The following DSTYK variants were observed in gnomAD, a reference collection of about 807,000 sequenced individuals.
DSTYK encodes dual serine/threonine and tyrosine protein kinase, also known as RIP-homologous kinase.
Under a neutral mutation model 98.7 loss-of-function variants are expected in DSTYK, and 34 were observed. That is an observed-to-expected ratio of 0.34 (90% CI 0.26 to 0.46). DSTYK has a LOEUF of 0.46. Among genes scored for constraint, DSTYK ranks in the 20% least tolerant of loss-of-function variants. The pLI, the probability that DSTYK is intolerant of heterozygous loss-of-function variation, is 1.00. For synonymous variants in DSTYK, 462 were observed against 457.3 expected (o/e 1.01, Z -0.13); for missense variants, 962 against 1,181.7 (o/e 0.81, Z 2.73).
chr1:205,189,037 C>T (rs968286783), intron 1 of DSTYK, among the ~76,000 whole-genome samples: 7 of 151,962 alleles, frequency 4.6e-5, no homozygotes, highest in East Asian at 3.9e-4. Context: ...ACCCACATAT[C>T]GAAATACCAC....
rs557979230 is a variant in DSTYK at position 205,209,182 on chromosome 1, ATCTC to A, written c.265+2085_265+2088del. Among the ~76,000 whole-genome samples the A allele has an allele frequency of 3.7e-3, 569 of 152,326 alleles. 7 individuals are homozygous for A. The highest frequency in any genetic ancestry group is 0.013 in the African/African-American group (544 of 41,574). ...CAACCAAAGTGCCTTGAAAACCTCC[ATCTC>A]TCTGAGGTTAATCAATTCTCTTTGT... On this transcript the variant is annotated intron_variant, in intron 1 of 12. Coordinates refer to ENST00000367162, the MANE Select transcript of DSTYK (RefSeq NM_015375.3).
chr1:205,209,080 T>C (rs1160027985), intron 1 of DSTYK, among the ~76,000 whole-genome samples: 1 of 152,232 alleles, frequency 6.6e-6, no homozygotes, highest in Non-Finnish European at 1.5e-5. Flanking sequence ...TGCAGTCAAC[T>C]GGAAAAGCCA....
intron 1 of DSTYK, among the ~76,000 whole-genome samples, chr1:205,189,691 T>A (rs1172467910): frequency 1.3e-5 from 2 of 152,114 alleles, no homozygotes; most frequent in African/African-American, 4.8e-5. Context: ...ACCAAAAGGG[T>A]TAAAGAGGTC....
At chr1:205,191,067 T>TC (rs1287078954) in intron 1 of DSTYK, among the ~76,000 whole-genome samples, 1 of 151,850 alleles carries the variant, frequency 6.6e-6, no homozygotes, top group Non-Finnish European at 1.5e-5. Flanking sequence ...AATGAACACT[T>TC]CCCCCCTCCA....
chr1:205,163,734 A>T lies in DSTYK; in HGVS notation c.1546T>A (p.Tyr516Asn). The T allele has an allele frequency of 6.2e-7, 1 of 1,613,568 alleles. No homozygotes were observed. Among genetic ancestry groups the T allele is most frequent in the Non-Finnish European group, 8.5e-7 (1 of 1,179,628 alleles). ...QDVSVHITSN[Y>N]LKQILNAAYH... ...CATTCTTTGTCTACCTGTTTGAGAT[A>T]ATTACTGGTGATGTGAACTGAGACA... The change falls in exon 4 of 13, where the codon TAT becomes AAT. Residue 516 changes from tyrosine (Y) to asparagine (N), a missense_variant. Tyr to Asn is a moderately radical substitution (Grantham distance 143, BLOSUM62 -2). This residue lies in a region of DSTYK where 660 missense variants were observed against 855.0 expected (regional missense o/e 0.77). Transcript: ENST00000367162.
At chr1:205,196,621 T>A (rs560320536) in intron 1 of DSTYK, among the ~76,000 whole-genome samples, 1 of 152,186 alleles carries the variant, frequency 6.6e-6, no homozygotes, top group African/African-American at 2.4e-5. Context: ...CAGGGAATGC[T>A]AGGTCTACTG....
rs567800706 is a variant in DSTYK at position 205,158,203 on chromosome 1, C to T, written c.2239-817G>A. Among the ~76,000 whole-genome samples, 23 of 152,336 alleles carry T rather than the reference C, an allele frequency of 1.5e-4. 1 individual carries two copies. In the South Asian group the frequency reaches 4.6e-3, roughly 30 times the overall value. ...TGGAAATGCATCAGACAATGCTTAA[C>T]TCCTCTGAAATGAAGAGGGAAAGCT... On this transcript the variant is annotated intron_variant, in intron 9 of 12. Transcript: ENST00000367162.
chr1:205,195,227 C>G (rs568134859), intron 1 of DSTYK, among the ~76,000 whole-genome samples: 2 of 152,250 alleles, frequency 1.3e-5, no homozygotes, highest in East Asian at 1.9e-4. Context: ...TTATAGTTAA[C>G]TGAGGCAACC....
At chr1:205,209,482 T>C (rs76939335) in intron 1 of DSTYK, among the ~76,000 whole-genome samples, 18,149 of 81,130 alleles carry the variant, frequency 0.22, 3,257 homozygotes, top group Non-Finnish European at 0.38. Context: ...CAAAGACTAG[T>C]TTCAGAAAAA....
chr1:205,209,994 G>C (rs1030822355), intron 1 of DSTYK, among the ~76,000 whole-genome samples: 11 of 152,002 alleles, frequency 7.2e-5, no homozygotes, highest in Non-Finnish European at 1.5e-4. Flanking sequence ...TCCGCCGCCT[G>C]GTTTCAAGCG....
intron 9 of DSTYK, among the ~76,000 whole-genome samples, chr1:205,159,037 T>C (rs536757850): frequency 1.7e-4 from 26 of 152,322 alleles, no homozygotes; most frequent in Admixed American, 5.2e-4. Context: ...GTGATGACAG[T>C]ATTCTGGGCA....
chr1:205,202,613 C>A, intron 1 of DSTYK: 2 of 1,141,112 alleles, frequency 1.8e-6, no homozygotes, highest in Non-Finnish European at 2.6e-6. Flanking sequence ...TACGTGAGCT[C>A]TCTCTGCCAC....
chr1:205,162,705 A>G (rs1236552416), intron 5 of DSTYK, among the ~76,000 whole-genome samples: 1 of 152,206 alleles, frequency 6.6e-6, no homozygotes, highest in Non-Finnish European at 1.5e-5. Flanking sequence ...CCAACATAAA[A>G]ATCATTTAAA....
chr1:205,148,571 T>C (rs976166537), intron 11 of DSTYK, among the ~76,000 whole-genome samples: 1 of 152,106 alleles, frequency 6.6e-6, no homozygotes, highest in African/African-American at 2.4e-5. Flanking sequence ...AGCCTAGAAC[T>C]TGACAAAGGA....
At position 205,155,891 on chromosome 1, in the gene DSTYK, C is replaced by T. The variant is rs916926234; in HGVS notation, c.2352+1382G>A. 3.3e-5 allele frequency among the ~76,000 whole-genome samples: 5 copies of T among 152,328 alleles called. No homozygotes were observed. The South Asian group carries it at 6.2e-4, about 19-fold the overall frequency. On this transcript the variant is annotated intron_variant, in intron 10 of 12. Transcript: ENST00000367162. ...TCTGTGGGCTGGGCCCAGGGCCCCC[C>T]TGCTGTATGCAGCCTTCGAACATGG...
At chr1:205,183,210 C>T (rs991187120) in intron 2 of DSTYK, among the ~76,000 whole-genome samples, 2 of 151,956 alleles carry the variant, frequency 1.3e-5, no homozygotes, top group African/African-American at 4.8e-5. Context: ...GAAGGAAAGG[C>T]AGGAGGGTGG....
chr1:205,192,677 T>A (rs1402178288), intron 1 of DSTYK, among the ~76,000 whole-genome samples: 1 of 151,750 alleles, frequency 6.6e-6, no homozygotes, highest in African/African-American at 2.4e-5. Context: ...GCCTAGCCAA[T>A]ATGGTGAAAC....
At chr1:205,193,508 C>G (rs969526910) in intron 1 of DSTYK, among the ~76,000 whole-genome samples, 11 of 152,126 alleles carry the variant, frequency 7.2e-5, no homozygotes, top group Non-Finnish European at 1.5e-4. Context: ...AGCCTCCTGT[C>G]TGCCTCCCCT....
Position 205,147,543 on chromosome 1 carries a change from G to T in DSTYK, c.*15C>A. 1.3e-6 allele frequency: 2 copies of T among 1,597,334 alleles called. No individual in the cohort carries two copies. Among genetic ancestry groups the T allele is most frequent in the East Asian group, 2.3e-5 (1 of 44,406 alleles). On this transcript the variant is annotated 3_prime_UTR_variant, in exon 13 of 13. Transcript: ENST00000367162. The stretch of plus-strand genomic sequence containing the variant: ...AAGGAAATAACTAGAGAGTGAAAGA[G>T]AAAGGTCTTTGCTTTCAAGTAGAAT...
Sources: gnomAD v4.1 joint callset for allele counts (sites outside exome capture counted in the v4.1 genomes callset) on GRCh38, gnomAD v4.1.1 for gene constraint, gnomAD v4.1.1 regional missense constraint, MANE v1.5 for transcripts, NCBI Gene and HGNC (gene_info 2026-07-23, HGNC 2026-07-21) for gene names.